The following LEF1 variants were observed in gnomAD, a reference collection of about 807,000 sequenced individuals.
LEF1 encodes lymphoid enhancer binding factor 1.
Under a neutral mutation model 51.2 loss-of-function variants are expected in LEF1, and 14 were observed. The ratio of observed to expected loss-of-function variants is 0.27; its 90% CI spans 0.18 to 0.43. The LOEUF (loss-of-function observed/expected upper bound fraction) is 0.43. Ranked by LOEUF, LEF1 falls within the 20% of genes least tolerant of loss-of-function variation. The pLI, the probability that LEF1 is intolerant of heterozygous loss-of-function variation, is 1.00. For missense variants in LEF1, 386 were observed against 512.0 expected, an observed-to-expected ratio of 0.75 and a Z score of 2.37; for synonymous variants, 185 against 183.2, an observed-to-expected ratio of 1.01 and a Z score of -0.08.
intron 11 of LEF1, among the ~76,000 whole-genome samples, chr4:108,060,326 C>T (rs2126262452): frequency 6.6e-6 from 1 of 152,250 alleles, no homozygotes; most frequent in Non-Finnish European, 1.5e-5. Context: ...CCTATAATAA[C>T]ACTGGGAGGC....
chr4:108,098,498 T>C (rs1740534452), intron 3 of LEF1, among the ~76,000 whole-genome samples: 1 of 141,596 alleles, frequency 7.1e-6, no homozygotes, highest in Non-Finnish European at 1.6e-5. Flanking sequence ...TTATTTCATA[T>C]TCAAAGGGGG....
intron 11 of LEF1, among the ~76,000 whole-genome samples, chr4:108,049,754 G>A (rs1172530779): frequency 2.0e-5 from 3 of 152,190 alleles, no homozygotes; most frequent in East Asian, 1.9e-4. Context: ...GTGGATTATC[G>A]TACACTTTCA....
At chr4:108,162,983 A>C (rs1481780732) in intron 3 of LEF1, among the ~76,000 whole-genome samples, 1 of 152,174 alleles carries the variant, frequency 6.6e-6, no homozygotes, top group Non-Finnish European at 1.5e-5. Flanking sequence ...ACTAAACCAC[A>C]AGATTAAAAA....
At chr4:108,160,719 T>A (rs894385254) in intron 3 of LEF1, among the ~76,000 whole-genome samples, 7 of 152,308 alleles carry the variant, frequency 4.6e-5, no homozygotes, top group African/African-American at 1.7e-4. Flanking sequence ...GTAAAATCTG[T>A]TCCAGGATAC....
chr4:108,098,127 C>T (rs1227246319), intron 3 of LEF1, among the ~76,000 whole-genome samples: 3 of 152,088 alleles, frequency 2.0e-5, no homozygotes, highest in Non-Finnish European at 4.4e-5. Context: ...GGTCTGGGGA[C>T]ATGTTGGTTG....
chr4:108,075,223 G>C (rs1738771117), intron 8 of LEF1, among the ~76,000 whole-genome samples: 1 of 152,170 alleles, frequency 6.6e-6, no homozygotes, highest in Non-Finnish European at 1.5e-5. Context: ...GGAAACCCTG[G>C]TGACTTGCAG....
intron 3 of LEF1, among the ~76,000 whole-genome samples, chr4:108,109,156 C>G (rs1741363592): frequency 6.6e-6 from 1 of 152,108 alleles, no homozygotes; most frequent in Non-Finnish European, 1.5e-5. Flanking sequence ...TCAGTTAGCC[C>G]CTGTGCAGAA....
intron 3 of LEF1, among the ~76,000 whole-genome samples, chr4:108,092,876 C>T (rs558219830): frequency 1.6e-5 from 2 of 122,014 alleles, no homozygotes; most frequent in Admixed American, 1.1e-4. Context: ...CTGGAAGTGG[C>T]GTCAGGCAGC....
intron 1 of LEF1, 107 bp from the exon 2 acceptor site, chr4:108,165,270 G>A (rs1745314680): frequency 2.0e-6 from 2 of 991,328 alleles, no homozygotes; most frequent in South Asian, 1.3e-5. Flanking sequence ...AGAGGTTTAG[G>A]GGCAACTCTG....
intron 3 of LEF1, among the ~76,000 whole-genome samples, chr4:108,094,690 G>A (rs191158993): frequency 1.3e-5 from 2 of 152,298 alleles, no homozygotes; most frequent in East Asian, 3.9e-4. Flanking sequence ...TGCGGGATCT[G>A]GCTGTGCATA....
intron 11 of LEF1, among the ~76,000 whole-genome samples, chr4:108,061,449 T>C (rs754871838): frequency 6.6e-6 from 1 of 152,066 alleles, no homozygotes; most frequent in Admixed American, 6.5e-5. Context: ...AACTCTGAAA[T>C]ACAGAAATAC....
chr4:108,055,943 C>G (rs955679632), intron 11 of LEF1, among the ~76,000 whole-genome samples: 2 of 152,198 alleles, frequency 1.3e-5, no homozygotes, highest in African/African-American at 4.8e-5. Context: ...GATAAAACCA[C>G]CCCAACTATC....
chr4:108,110,639 C>G (rs547707298), intron 3 of LEF1, among the ~76,000 whole-genome samples: 1 of 152,274 alleles, frequency 6.6e-6, no homozygotes, highest in Non-Finnish European at 1.5e-5. Context: ...GCACATCATG[C>G]GGGTCTCCTA....
chr4:108,144,865 C>CAAAAAAAA (rs11394687), intron 3 of LEF1, among the ~76,000 whole-genome samples: 43 of 41,912 alleles, frequency 1.0e-3, no homozygotes, highest in African/African-American at 1.1e-3. Flanking sequence ...CCCAACCAGC[C>CAAAAAAAA]AAAAAAAAAA....
intron 3 of LEF1, among the ~76,000 whole-genome samples, chr4:108,137,369 C>T (rs1743364408): frequency 1.3e-5 from 2 of 151,090 alleles, no homozygotes; most frequent in Non-Finnish European, 3.0e-5. Flanking sequence ...ACTAAAAAAA[C>T]TGATTCATGC....
chr4:108,125,290 A>T (rs928926228), intron 3 of LEF1, among the ~76,000 whole-genome samples: 3 of 151,980 alleles, frequency 2.0e-5, no homozygotes, highest in African/African-American at 2.4e-5. Context: ...CAGCATCCTG[A>T]GTAGCTGGGA....
intron 3 of LEF1, among the ~76,000 whole-genome samples, chr4:108,127,525 G>A (rs7654885): frequency 0.084 from 12,803 of 152,094 alleles, 664 homozygotes; most frequent in African/African-American, 0.14. Context: ...AATTACAATC[G>A]TGTTGACATA....
At chr4:108,074,378 A>G (rs527962351) in intron 8 of LEF1, among the ~76,000 whole-genome samples, 3 of 152,320 alleles carry the variant, frequency 2.0e-5, no homozygotes, top group Non-Finnish European at 2.9e-5. Context: ...ATTTGTGATA[A>G]ATGGATTTCC....
rs932026785 is a variant in LEF1 at position 108,167,307 on chromosome 4, T to C, written c.213+248A>G. Among the ~76,000 whole-genome samples, 19 of 149,522 alleles carry C rather than the reference T, an allele frequency of 1.3e-4. No homozygotes were observed. Among genetic ancestry groups the C allele is most frequent in the Admixed American group, 2.0e-4 (3 of 14,988 alleles). ...CGTTCAGCCACCGAACCCCCTAAAC[T>C]GATCCATTTGGAATAAGTTACCCTG... is the stretch of plus-strand genomic sequence containing the variant. On this transcript the variant is annotated intron_variant, in intron 1 of 11. Coordinates refer to ENST00000265165, the MANE Select transcript of LEF1 (RefSeq NM_016269.5). This position sits in a 1 kb window ranked among gnomAD's most constrained non-coding sequence, Gnocchi z 5.7.
Sources: gnomAD v4.1 joint callset for allele counts (sites outside exome capture counted in the v4.1 genomes callset) on GRCh38, gnomAD v4.1.1 for gene constraint, Gnocchi (gnomAD v3.1) non-coding constraint, MANE v1.5 for transcripts, NCBI Gene and HGNC (gene_info 2026-07-23, HGNC 2026-07-21) for gene names.